Variants in KCTD1 observed in about 807,000 individuals in gnomAD.
The protein encoded by KCTD1 is potassium channel tetramerization domain containing 1, also known as BTB/POZ domain-containing protein KCTD1.
In KCTD1, 24 loss-of-function variants were observed where a neutral mutation model predicts 66.0. The ratio of observed to expected loss-of-function variants is 0.36; its 90% confidence interval spans 0.26 to 0.51. The LOEUF (loss-of-function observed/expected upper bound fraction) is 0.51, where lower values mean the gene tolerates loss of function less well. Among genes scored for constraint, KCTD1 ranks in the 20% least tolerant of loss-of-function variants. The pLI, the probability that KCTD1 is intolerant of heterozygous loss-of-function variation, is 0.95. For missense variants in KCTD1, 943 were observed against 1,205.2 expected (o/e 0.78, Z 3.22); for synonymous variants, 511 against 517.2 (o/e 0.99, Z 0.16).
chr18:26,613,932 G>T (rs1987191711), intron 1 of KCTD1, among the ~76,000 whole-genome samples: 1 of 152,120 alleles, frequency 6.6e-6, no homozygotes, highest in Non-Finnish European at 1.5e-5. Context: ...ACACTCAATG[G>T]TCATTTTCTG....
intron 2 of KCTD1, among the ~76,000 whole-genome samples, chr18:26,479,772 A>T (rs1468255543): frequency 6.6e-6 from 1 of 152,238 alleles, no homozygotes; most frequent in East Asian, 1.9e-4. Flanking sequence ...AGGGTCGTAA[A>T]ATGGCGTCCC....
chr18:26,473,421 G>A (rs762234684), intron 3 of KCTD1, among the ~76,000 whole-genome samples: 2 of 152,128 alleles, frequency 1.3e-5, no homozygotes, highest in African/African-American at 4.8e-5. Context: ...GGGATAGGGG[G>A]AGGGAGAGCA....
chr18:26,535,111 G>GA (rs11376459), intron 1 of KCTD1, among the ~76,000 whole-genome samples: 1 of 112,118 alleles, frequency 8.9e-6, no homozygotes, highest in Admixed American at 9.5e-5. Flanking sequence ...TGGGGTTGGG[G>GA]GGTGGGGGTG....
chr18:26,539,003 T>C (rs1458320318), intron 1 of KCTD1, among the ~76,000 whole-genome samples: 3 of 152,278 alleles, frequency 2.0e-5, no homozygotes, highest in South Asian at 2.1e-4. Context: ...TGATGCTGTC[T>C]TTTAACAAGT....
At chr18:26,505,811 G>A (rs573998563) in intron 1 of KCTD1, among the ~76,000 whole-genome samples, 2 of 152,182 alleles carry the variant, frequency 1.3e-5, no homozygotes, top group South Asian at 4.2e-4. Context: ...TTCCCACCTA[G>A]GCCTCCCAAA....
At chr18:26,517,325 G>C (rs1314411239) in intron 1 of KCTD1, among the ~76,000 whole-genome samples, 1 of 152,122 alleles carries the variant, frequency 6.6e-6, no homozygotes, top group Non-Finnish European at 1.5e-5. Flanking sequence ...TCTCATGATA[G>C]TGAATAAGTC....
intron 1 of KCTD1, among the ~76,000 whole-genome samples, chr18:26,513,964 C>T (rs1055468876): frequency 6.6e-6 from 1 of 152,196 alleles, no homozygotes; most frequent in Non-Finnish European, 1.5e-5. Flanking sequence ...TTTCTACTTG[C>T]CTCCACTGGC....
chr18:26,550,973 C>A (rs1270836545), upstream of KCTD1, among the ~76,000 whole-genome samples: 1 of 152,216 alleles, frequency 6.6e-6, no homozygotes, highest in Admixed American at 6.5e-5. The surrounding 1 kb of genome is among the most constrained non-coding windows in gnomAD (Gnocchi z 5.4). Flanking sequence ...ACCCGGGGGC[C>A]GCGCTGGCTC....
At chr18:26,578,423 T>C (rs1986280027) in intron 1 of KCTD1, among the ~76,000 whole-genome samples, 1 of 152,242 alleles carries the variant, frequency 6.6e-6, no homozygotes, top group African/African-American at 2.4e-5. Context: ...CTATTGTTAG[T>C]ATTTGCTCCT....
Position 26,548,531 on chromosome 18 carries a change from C to G in KCTD1, c.6G>C (p.Ala2=). M[A]RMPGSGDCNT... ...TACAGTCCCCGCTGCCAGGCATTCT[C>G]GCCATATTGCCGTCTCTCTGCCAGT... Residue 2 remains alanine (A), a synonymous_variant, in exon 1 of 5, where the codon GCG becomes GCC. Coordinates refer to ENST00000580059, the MANE Select transcript of KCTD1 (RefSeq NM_001142730.3). The G allele has an allele frequency of 8.1e-7, 1 of 1,228,194 alleles. No individual in the cohort carries two copies. The highest frequency in any genetic ancestry group is 4.0e-5 in the South Asian group (1 of 25,070). 76.1% of individuals were successfully genotyped at this position (1,228,194 alleles called of 1,614,324 possible).
At chr18:26,483,146 G>T (rs370961097) in intron 2 of KCTD1, among the ~76,000 whole-genome samples, 4 of 152,190 alleles carry the variant, frequency 2.6e-5, no homozygotes, top group African/African-American at 9.7e-5. Context: ...TGCTTATGTT[G>T]TCAACTGGAA....
chr18:26,532,528 T>C (rs1333444310), intron 1 of KCTD1, among the ~76,000 whole-genome samples: 1 of 152,148 alleles, frequency 6.6e-6, no homozygotes, highest in Non-Finnish European at 1.5e-5. Context: ...CTTCCCAAAG[T>C]GCCGGGGTTA....
chr18:26,559,581 G>A (rs140875422), intron 1 of KCTD1, among the ~76,000 whole-genome samples: 11 of 152,314 alleles, frequency 7.2e-5, no homozygotes, highest in African/African-American at 1.9e-4. Context: ...AGAGGGAAGA[G>A]TCAGCATAGT....
chr18:26,460,227 C>T (rs1229356322), intron 3 of KCTD1, among the ~76,000 whole-genome samples: 4 of 152,144 alleles, frequency 2.6e-5, no homozygotes, highest in Non-Finnish European at 5.9e-5. Context: ...ACTATTATTC[C>T]CATTTTGCAG....
chr18:26,564,444 C>A (rs1985934387), intron 1 of KCTD1, among the ~76,000 whole-genome samples: 1 of 152,144 alleles, frequency 6.6e-6, no homozygotes, highest in Non-Finnish European at 1.5e-5. Context: ...ACACACTTGA[C>A]ACCTTCCTAG....
chr18:26,468,124 A>C lies in KCTD1; in HGVS notation c.2134-8199T>G, dbSNP rs1980849291. 6.6e-6 allele frequency among the ~76,000 whole-genome samples: 1 copy of C among 152,236 alleles called. No individual in the cohort carries two copies. The highest frequency in any genetic ancestry group is 2.1e-4 in the South Asian group (1 of 4,836). On this transcript the variant is annotated intron_variant, in intron 3 of 4. Coordinates refer to ENST00000580059, the MANE Select transcript of KCTD1 (RefSeq NM_001142730.3). The surrounding 1 kb of genome is among the most constrained non-coding windows in gnomAD (Gnocchi z 4.8). ...TGCAACCACGTGTGTGTGTGTGCCT[A>C]TGCATGCGTACACGCTCATGTGCAG...
chr18:26,616,394 C>CA (rs1028665751), intron 1 of KCTD1, among the ~76,000 whole-genome samples: 35 of 151,608 alleles, frequency 2.3e-4, no homozygotes, highest in Non-Finnish European at 3.8e-4. Flanking sequence ...ATGCCTATTT[C>CA]TTTTTTACTC....
At chr18:26,472,631 G>A (rs1598881282) in intron 3 of KCTD1, among the ~76,000 whole-genome samples, 1 of 151,946 alleles carries the variant, frequency 6.6e-6, no homozygotes, top group Non-Finnish European at 1.5e-5. Context: ...CTCTCTACAT[G>A]AGCTTACTTA....
At chr18:26,509,141 T>C (rs1375765711) in intron 1 of KCTD1, among the ~76,000 whole-genome samples, 1 of 139,602 alleles carries the variant, frequency 7.2e-6, no homozygotes, top group Non-Finnish European at 1.5e-5. Flanking sequence ...ATAATCTTTC[T>C]GGTAATTTCA....
Sources: gnomAD v4.1 joint callset for allele counts (sites outside exome capture counted in the v4.1 genomes callset) on GRCh38, gnomAD v4.1.1 for gene constraint, Gnocchi (gnomAD v3.1) non-coding constraint, MANE v1.5 for transcripts, NCBI Gene and HGNC (gene_info 2026-07-23, HGNC 2026-07-21) for gene names.